DNAH2: variants seen among roughly 807,000 people sequenced by gnomAD.
The protein encoded by DNAH2 is axonemal beta dynein heavy chain 2.
A neutral mutation model predicts 523.5 loss-of-function variants in DNAH2; 323 were observed. That is an observed-to-expected ratio of 0.62 (90% CI 0.56 to 0.68). The LOEUF is 0.68. Among genes scored for constraint, DNAH2 ranks in the 30% least tolerant of loss-of-function variants. DNAH2 has a pLI of 0.00. For synonymous variants in DNAH2, 2,093 were observed against 2,177.4 expected (o/e 0.96, Z 1.08); for missense variants, 4,907 against 5,701.5 (o/e 0.86, Z 4.49).
Position 7,724,742 on chromosome 17 carries a change from C to CTTT in DNAH2, c.228+1066_228+1068dup, listed in dbSNP as rs57294591. ...ATAATCCTAACTTTATCATATGTTA[C>CTTT]TTTTTTTTTTTTTTTCTGAGATGGA... On this transcript the variant is annotated intron_variant, in intron 3 of 85. Coordinates refer to ENST00000572933, the MANE Select transcript of DNAH2 (RefSeq NM_020877.5). 8.7e-3 allele frequency among the ~76,000 whole-genome samples: 1,131 copies of CTTT among 130,394 alleles called. 44 individuals are homozygous for CTTT. The highest frequency in any genetic ancestry group is 0.029 in the African/African-American group (1,038 of 35,646). The allele number at this position is 130,394 out of a possible 152,430, so 85.5% of individuals were successfully genotyped here. A position where few individuals can be genotyped will look rare whatever the true frequency, so the allele number is the denominator to read the frequency against.
Position 7,805,071 on chromosome 17 carries a change from G to A in DNAH2, c.9297G>A (p.Met3099Ile), listed in dbSNP as rs767469772. The A allele has an allele frequency of 6.2e-7, 1 of 1,613,562 alleles. No individual in the cohort carries two copies. The highest frequency in any genetic ancestry group is 8.5e-7 in the Non-Finnish European group (1 of 1,179,574). The change falls in exon 60 of 86, where the codon ATG becomes ATA. Residue 3099 changes from methionine to isoleucine, a missense_variant. Met to Ile is a conservative substitution (Grantham distance 10). Coordinates refer to ENST00000572933, the MANE Select transcript of DNAH2 (RefSeq NM_020877.5). ...CACTGCCCGCCCTGGAAGAGGCCAT[G>A]CGGGTACCAGGGGCGGGTGCAAGGA... Reference protein sequence around the residue: ...EEALPALEEAMRALESLNKKD... With the variant: ...EEALPALEEAIRALESLNKKD...
intron 44 of DNAH2, among the ~76,000 whole-genome samples, chr17:7,789,909 C>A (rs868569009): frequency 2.0e-5 from 3 of 152,122 alleles, no homozygotes; most frequent in East Asian, 1.9e-4. Context: ...AACCCAAGAT[C>A]GGTATTCTGG....
chr17:7,804,130 G>A (rs2151297813), intron 58 of DNAH2, 126 bp from the exon 59 acceptor site: 4 of 898,704 alleles, frequency 4.5e-6, no homozygotes, highest in Non-Finnish European at 6.9e-6. Context: ...CCAGGATGGT[G>A]GGGGTAGTGT....
chr17:7,733,210 C>T lies in DNAH2; in HGVS notation c.523C>T (p.Leu175Phe). The T allele has an allele frequency of 6.2e-7, 1 of 1,614,218 alleles. No homozygotes were observed. The highest frequency in any genetic ancestry group is 8.5e-7 in the Non-Finnish European group (1 of 1,180,044). Residue 175 changes from leucine (L) to phenylalanine (F), a missense_variant, in exon 5 of 86, where the codon CTC (leucine) becomes TTC (phenylalanine). Physicochemically the swap from Leu to Phe is conservative, Grantham distance 22. This residue lies in a region of DNAH2 where 2,806 missense variants were observed against 3,190.8 expected (regional missense o/e 0.88). Coordinates refer to ENST00000572933, the MANE Select transcript of DNAH2 (RefSeq NM_020877.5). ...CTATATCCCGGCCCTGCTTCGGCTGCTCGGTGGAGTCTTTGCCCCTCAGAT... is the reference window on the plus strand; with the variant it reads ...CTATATCCCGGCCCTGCTTCGGCTGTTCGGTGGAGTCTTTGCCCCTCAGAT... ...GPYIPALLRL[L>F]GGVFAPQIFA...
intron 44 of DNAH2, among the ~76,000 whole-genome samples, chr17:7,788,460 T>C (rs1234271917): frequency 6.6e-6 from 1 of 152,170 alleles, no homozygotes. Context: ...AAGGTCTGAC[T>C]AGGGGTTCTG....
chr17:7,779,504 C>T, intron 36 of DNAH2, 81 bp downstream of exon 36: 1 of 1,417,996 alleles, frequency 7.1e-7, no homozygotes, highest in East Asian at 2.4e-5. Context: ...TCCTCCTCTT[C>T]CCCCTTCCAT....
chr17:7,779,196 T>C, intron 35 of DNAH2, 47 bp from the exon 36 acceptor site: 1 of 1,600,948 alleles, frequency 6.2e-7, no homozygotes, highest in Non-Finnish European at 8.5e-7. Flanking sequence ...CTTTCTAGCC[T>C]CTTGGGGCAC....
At chr17:7,788,730 T>C (rs2076814819) in intron 44 of DNAH2, among the ~76,000 whole-genome samples, 1 of 152,252 alleles carries the variant, frequency 6.6e-6, no homozygotes, top group Admixed American at 6.5e-5. Context: ...TGATATCTTC[T>C]GTTGAGATTA....
At chr17:7,826,121 G>A (rs1266028676) in intron 77 of DNAH2, among the ~76,000 whole-genome samples, 1 of 152,210 alleles carries the variant, frequency 6.6e-6, no homozygotes, top group East Asian at 1.9e-4. Context: ...CCAGGTTCAA[G>A]CAGTTCTCCT....
chr17:7,797,540 G>A lies in DNAH2; in HGVS notation c.8080+10G>A. 1 of 1,614,166 alleles carries A rather than the reference G, an allele frequency of 6.2e-7. No individual in the cohort carries two copies. Among genetic ancestry groups the A allele is most frequent in the Non-Finnish European group, 8.5e-7 (1 of 1,180,032 alleles). ...CGTCCTCCTATCTTTGGTGAGCCAG[G>A]AGCTGTGATGACCTTGGGCTTGACA... On this transcript the variant is annotated intron_variant, in intron 52 of 85. Coordinates refer to ENST00000572933, the MANE Select transcript of DNAH2 (RefSeq NM_020877.5).
intron 18 of DNAH2, 140 bp from the exon 19 acceptor site, chr17:7,763,691 G>C (rs989086439): frequency 2.2e-6 from 2 of 919,140 alleles, no homozygotes; most frequent in Non-Finnish European, 3.4e-6. Flanking sequence ...TTGGAATGAG[G>C]GATGCCTGGG....
In DNAH2 at chr17:7,770,257, G is replaced by C. The variant is rs750764214; in HGVS notation, c.3947G>C (p.Trp1316Ser). Residue 1316 changes from tryptophan (W) to serine (S), a missense_variant, in exon 25 of 86, where the codon TGG becomes TCG. Transcript: ENST00000572933. ...CCTCCTGTTCCTGGCTGCAGGCACT[G>C]GGACCAGGTCCGGGATGAGATCCAG... Reference protein sequence around the residue: ...LRNPALRERHWDQVRDEIQRE... With the variant: ...LRNPALRERHSDQVRDEIQRE... 5 of 1,603,818 alleles carry C rather than the reference G, an allele frequency of 3.1e-6. No individual in the cohort carries two copies. The South Asian group carries it at 4.5e-5, about 14-fold the overall frequency.
At chr17:7,718,995 G>C (rs1458150489) in intron 1 of DNAH2, among the ~76,000 whole-genome samples, 196 bp downstream of exon 1, 1 of 152,162 alleles carries the variant, frequency 6.6e-6, no homozygotes, top group Non-Finnish European at 1.5e-5. Context: ...TCATGGTCCT[G>C]GAGGGTAGAG....
At chr17:7,731,089 G>A (rs1854015330) in intron 4 of DNAH2, among the ~76,000 whole-genome samples, 1 of 152,014 alleles carries the variant, frequency 6.6e-6, no homozygotes, top group African/African-American at 2.4e-5. Flanking sequence ...TTGCACTCAA[G>A]CCTGGGCAAC....
rs933160087 is a variant in DNAH2 at position 7,771,461 on chromosome 17, T to C, written c.4494T>C (p.His1498=). 8.7e-6 allele frequency: 14 copies of C among 1,613,768 alleles called. No individual in the cohort carries two copies. The highest frequency in any genetic ancestry group is 1.7e-5 in the Admixed American group (1 of 59,982). Residue 1498 remains histidine (H), a synonymous_variant, in exon 28 of 86, where the codon CAT becomes CAC. Transcript: ENST00000572933. The part of the protein sequence containing the change: ...NKDNNALRST[H]HPGLLDTLIE... Reference sequence around the variant, plus strand: ...ACAACAATGCTCTCCGGAGCACCCATCACCCAGGTCAGAGCTCCAGGGCTC... The same window carrying C: ...ACAACAATGCTCTCCGGAGCACCCACCACCCAGGTCAGAGCTCCAGGGCTC...
At chr17:7,829,220 G>A (rs1202177592) in intron 77 of DNAH2, among the ~76,000 whole-genome samples, 2 of 151,762 alleles carry the variant, frequency 1.3e-5, no homozygotes, top group African/African-American at 4.8e-5. Context: ...CACCATATTG[G>A]CCAGGCTGGT....
Position 7,831,862 on chromosome 17 carries a change from A to G in DNAH2, c.12726+87A>G. ...CCCAATCTCCTGGTTCTAGGTGGGCATAAAGCAAACTGCAGAGAGCCGAAA... is the reference window on the plus strand; with the variant it reads ...CCCAATCTCCTGGTTCTAGGTGGGCGTAAAGCAAACTGCAGAGAGCCGAAA... On this transcript the variant is annotated intron_variant, in intron 82 of 85. Coordinates refer to ENST00000572933, the MANE Select transcript of DNAH2 (RefSeq NM_020877.5). The surrounding 1 kb of genome is among the most constrained non-coding windows in gnomAD (Gnocchi z 4.2). 7.9e-7 allele frequency: 1 copy of G among 1,272,410 alleles called. No individual in the cohort carries two copies. Among genetic ancestry groups the G allele is most frequent in the African/African-American group, 1.5e-5 (1 of 67,116 alleles). 78.8% of individuals were successfully genotyped at this position (1,272,410 alleles called of 1,614,324 possible). A position where few individuals can be genotyped will look rare whatever the true frequency, so the allele number is the denominator to read the frequency against.
Position 7,778,308 on chromosome 17 carries a change from C to T in DNAH2, c.5380C>T (p.His1794Tyr). The T allele has an allele frequency of 6.2e-7, 1 of 1,614,210 alleles. No individual in the cohort carries two copies. The highest frequency in any genetic ancestry group is 1.3e-5 in the African/African-American group (1 of 75,060). Residue 1794 changes from histidine to tyrosine, a missense_variant, in exon 35 of 86, where the codon CAC becomes TAC. Physicochemically the swap from His to Tyr is moderately conservative, Grantham distance 83 (BLOSUM62 2). Around this residue, in one of 3 missense-constraint regions of DNAH2, gnomAD observed 2,806 missense variants for 3,190.8 expected, o/e 0.88. Transcript: ENST00000572933. ...RCYMTLTTAL[H>Y]LHRGGSPKGP... ...TTACATGACACTGACCACGGCATTG[C>T]ACCTGCACCGAGGGGGCTCCCCCAA...
chr17:7,743,278 CTT>C (rs564117935), intron 12 of DNAH2, 136 bp downstream of exon 12: 4 of 960,750 alleles, frequency 4.2e-6, no homozygotes, highest in South Asian at 1.4e-5. Context: ...CGTCATTTTA[CTT>C]TTTTTTTTCT....
Sources: allele counts gnomAD v4.1 joint callset (sites outside exome capture counted in the v4.1 genomes callset), GRCh38; gene constraint gnomAD v4.1.1; regional missense constraint gnomAD v4.1.1; non-coding constraint Gnocchi (gnomAD v3.1); transcripts MANE v1.5; gene names NCBI Gene and HGNC (gene_info 2026-07-23, HGNC 2026-07-21).